Variants in ANO6 observed in about 807,000 individuals in gnomAD.
The protein encoded by ANO6 is anoctamin 6.
Under a neutral mutation model 117.5 loss-of-function variants are expected in ANO6, and 106 were observed. The ratio of observed to expected loss-of-function variants is 0.90; its 90% CI spans 0.77 to 1.06. The LOEUF is 1.06. Ranked by LOEUF, ANO6 falls within the 50% of genes least tolerant of loss-of-function variation. ANO6 has a pLI of 0.00. For missense variants in ANO6, 955 were observed against 1,121.1 expected (o/e 0.85, Z 2.12); for synonymous variants, 367 against 385.1 (o/e 0.95, Z 0.55).
intron 1 of ANO6, among the ~76,000 whole-genome samples, chr12:45,244,475 G>T (rs537600483): frequency 6.6e-6 from 1 of 151,504 alleles, no homozygotes; most frequent in South Asian, 2.1e-4. Flanking sequence ...CCCCTCAACT[G>T]TATGGAAAAT....
chr12:45,413,317 C>T (rs17095868), intron 16 of ANO6, among the ~76,000 whole-genome samples: 16,948 of 152,038 alleles, frequency 0.11, 1,166 homozygotes, highest in East Asian at 0.36. Context: ...AGTGTTAAAG[C>T]GGTGAATTGC....
intron 2 of ANO6, among the ~76,000 whole-genome samples, chr12:45,303,124 C>CCA (rs1360866516): frequency 6.6e-6 from 1 of 152,138 alleles, no homozygotes; most frequent in Non-Finnish European, 1.5e-5. Flanking sequence ...AAAACTGTAT[C>CCA]CACAATGCCA....
chr12:45,413,940 C>A (rs776518901), intron 16 of ANO6, among the ~76,000 whole-genome samples: 20 of 152,016 alleles, frequency 1.3e-4, no homozygotes, highest in Non-Finnish European at 2.1e-4. Context: ...ACAAATATTC[C>A]ACAGCAGGGG....
intron 13 of ANO6, 116 bp from the exon 14 acceptor site, chr12:45,402,956 G>A: frequency 2.0e-6 from 2 of 999,132 alleles, no homozygotes; most frequent in Non-Finnish European, 1.5e-6. Flanking sequence ...TGGAAACAGT[G>A]TGAATTGTAT....
In ANO6 at chr12:45,391,946, G is replaced by A. The variant is rs185242599; in HGVS notation, c.1386+1448G>A. ...TCCCAGCGTGATCAACACAGAAGAC[G>A]GGTAATTTCTGCATTTCCAACTGAG... is the stretch of plus-strand genomic sequence containing the variant. On this transcript the variant is annotated intron_variant, in intron 12 of 19. Coordinates refer to ENST00000320560, the MANE Select transcript of ANO6 (RefSeq NM_001025356.3). Among the ~76,000 whole-genome samples, 511 of 152,306 alleles carry A rather than the reference G, an allele frequency of 3.4e-3. 5 individuals are homozygous for A. Among genetic ancestry groups the A allele is most frequent in the Non-Finnish European group, 6.1e-3 (416 of 68,012 alleles).
chr12:45,343,789 G>A (rs573077634), intron 3 of ANO6, among the ~76,000 whole-genome samples: 78 of 152,132 alleles, frequency 5.1e-4, no homozygotes, highest in Non-Finnish European at 1.9e-4. Context: ...CAGGGCTGCT[G>A]CCAGCACCGC....
intron 10 of ANO6, among the ~76,000 whole-genome samples, chr12:45,385,626 C>A (rs932673112): frequency 6.6e-6 from 1 of 152,090 alleles, no homozygotes; most frequent in African/African-American, 2.4e-5. Flanking sequence ...CAAGACCAGC[C>A]AGTCACATGT....
chr12:45,397,536 A>G lies in ANO6; in HGVS notation c.1387-4259A>G, dbSNP rs143757730. Among the ~76,000 whole-genome samples, 8 of 152,362 alleles carry G rather than the reference A, an allele frequency of 5.3e-5. No homozygotes were observed. The East Asian group carries it at 1.2e-3, about 22-fold the overall frequency. On this transcript the variant is annotated intron_variant, in intron 12 of 19. Coordinates refer to ENST00000320560, the MANE Select transcript of ANO6 (RefSeq NM_001025356.3). Reference sequence around the variant, plus strand: ...TACTACTATGAAGAAACATGCACATATATGTTTATTGCAGCACTATTCACA... The same window carrying G: ...TACTACTATGAAGAAACATGCACATGTATGTTTATTGCAGCACTATTCACA...
rs76147968 is a variant in ANO6, at chr12:45,359,857, A to G, written c.998+2433A>G. On this transcript the variant is annotated intron_variant, in intron 8 of 19. Coordinates refer to ENST00000320560, the MANE Select transcript of ANO6 (RefSeq NM_001025356.3). ...AACTGTAGGTTTAACATTTTGAGGA[A>G]CTGTCATAGTATTTTCCAAAGTGAC... Among the ~76,000 whole-genome samples, 1,093 of 152,298 alleles carry G rather than the reference A, an allele frequency of 7.2e-3. 21 individuals are homozygous for G. The highest frequency in any genetic ancestry group is 0.025 in the African/African-American group (1,037 of 41,570).
chr12:45,280,343 C>T (rs1938684567), intron 1 of ANO6, among the ~76,000 whole-genome samples: 1 of 152,190 alleles, frequency 6.6e-6, no homozygotes, highest in African/African-American at 2.4e-5. Flanking sequence ...GTGGTCAGTA[C>T]AATGACTGAG....
At chr12:45,425,812 A>G in intron 19 of ANO6, among the ~76,000 whole-genome samples, 1 of 152,220 alleles carries the variant, frequency 6.6e-6, no homozygotes, top group East Asian at 1.9e-4. Context: ...AGACAAGAAG[A>G]GAGAAAGGAA....
In ANO6 at chr12:45,429,913, A is replaced by G. The variant is rs1943594133; in HGVS notation, c.*602A>G. The G allele has an allele frequency of 1.0e-6, 1 of 989,250 alleles. No individual in the cohort carries two copies. The highest frequency in any genetic ancestry group is 1.2e-6 in the Non-Finnish European group (1 of 832,312). 61.3% of individuals were successfully genotyped at this position (989,250 alleles called of 1,614,324 possible). On this transcript the variant is annotated 3_prime_UTR_variant, in exon 20 of 20. Coordinates refer to ENST00000320560, the MANE Select transcript of ANO6 (RefSeq NM_001025356.3). ...CATTTGAGCATGTCTTTCCATCTCA[A>G]AAAAATACTCTTAGTAGGTTGGAGT... is the stretch of plus-strand genomic sequence containing the variant.
intron 2 of ANO6, among the ~76,000 whole-genome samples, chr12:45,311,140 C>T (rs906120285): frequency 1.3e-5 from 2 of 151,838 alleles, no homozygotes; most frequent in Non-Finnish European, 2.9e-5. Context: ...AAATGTGTGC[C>T]TGGTGACAGC....
chr12:45,279,500 C>T (rs73281412), intron 1 of ANO6, among the ~76,000 whole-genome samples: 2,265 of 152,182 alleles, frequency 0.015, 47 homozygotes, highest in African/African-American at 0.05. Flanking sequence ...AAAGTTTCAC[C>T]GACATGAGTT....
At chr12:45,343,104 C>T (rs1289146012) in intron 3 of ANO6, among the ~76,000 whole-genome samples, 1 of 152,094 alleles carries the variant, frequency 6.6e-6, no homozygotes, top group Non-Finnish European at 1.5e-5. Flanking sequence ...TAAGGAGCAC[C>T]TTAAAAGTTT....
intron 8 of ANO6, among the ~76,000 whole-genome samples, chr12:45,358,924 A>G (rs1023153638): frequency 1.3e-5 from 2 of 151,960 alleles, no homozygotes; most frequent in Non-Finnish European, 2.9e-5. Flanking sequence ...AGCTGGGATT[A>G]CAGGCTGCGC....
At chr12:45,347,578 A>G (rs1050698550) in intron 4 of ANO6, 1 of 182,808 alleles carries the variant, frequency 5.5e-6, no homozygotes, top group East Asian at 1.5e-4. Context: ...AAATGGATTT[A>G]TGTCAATAAA....
intron 1 of ANO6, among the ~76,000 whole-genome samples, chr12:45,280,877 T>TAGAG (rs141408795): frequency 3.0e-3 from 253 of 82,976 alleles, no homozygotes; most frequent in South Asian, 0.014. Flanking sequence ...TTTATATATA[T>TAGAG]ATAGAGAGAG....
exon 20 of ANO6, chr12:45,439,728 C>T: frequency 1.3e-6 from 2 of 1,544,160 alleles, no homozygotes; most frequent in South Asian, 1.2e-5. Flanking sequence ...TGGCTCACTG[C>T]AACCTCCGCC....
Sources: allele counts gnomAD v4.1 joint callset (sites outside exome capture counted in the v4.1 genomes callset), GRCh38; gene constraint gnomAD v4.1.1; transcripts MANE v1.5; gene names NCBI Gene and HGNC (gene_info 2026-07-23, HGNC 2026-07-21).